PDE1C: variants seen among roughly 807,000 people sequenced by gnomAD.
PDE1C encodes the protein phosphodiesterase 1C.
In PDE1C, 62 loss-of-function variants were observed where a neutral mutation model predicts 93.1. The ratio of observed to expected loss-of-function variants is 0.67; its 90% confidence interval spans 0.54 to 0.82. PDE1C has a LOEUF of 0.82. Ranked by LOEUF, PDE1C falls within the 40% of genes least tolerant of loss-of-function variation. The pLI is 0.00. For missense variants in PDE1C, 742 were observed against 884.6 expected (o/e 0.84, Z 2.04); for synonymous variants, 325 against 310.1 (o/e 1.05, Z -0.50).
chr7:31,877,323 A>C (rs1796715602), intron 5 of PDE1C, among the ~76,000 whole-genome samples: 1 of 152,116 alleles, frequency 6.6e-6, no homozygotes, highest in Non-Finnish European at 1.5e-5. Flanking sequence ...GCCTGACTAG[A>C]GGTAATTCTG....
intron 16 of PDE1C, among the ~76,000 whole-genome samples, chr7:31,794,066 A>G (rs1426608796): frequency 6.7e-6 from 1 of 148,894 alleles, no homozygotes; most frequent in Non-Finnish European, 1.5e-5. Flanking sequence ...ACAGACAGAC[A>G]GACAGACAGA....
rs34277412 is a variant in PDE1C at position 32,139,300 on chromosome 7, C to CTT, written c.308+30483_308+30484dup. ...ACAAGCAGGCAACACCAAAATCAAC[C>CTT]TTTTTTTTTTTTTTTTTTTTTTTTT... On this transcript the variant is annotated intron_variant, in intron 3 of 18. Coordinates refer to the PDE1C transcript ENST00000396193. Among the ~76,000 whole-genome samples the CTT allele has an allele frequency of 8.3e-3, 691 of 82,896 alleles. 5 individuals carry two copies. Among genetic ancestry groups the CTT allele is most frequent in the African/African-American group, 0.013 (266 of 20,658 alleles). The allele number at this position is 82,896 out of a possible 152,430, so 54.4% of individuals were successfully genotyped here.
intron 16 of PDE1C, among the ~76,000 whole-genome samples, chr7:31,805,641 G>C (rs1021202167): frequency 9.3e-5 from 14 of 150,284 alleles, no homozygotes; most frequent in African/African-American, 3.4e-4. Context: ...AAGTGAAACT[G>C]CTAGTAAGGG....
chr7:32,317,621 A>G (rs1185672088), intron 1 of PDE1C, among the ~76,000 whole-genome samples: 1 of 151,958 alleles, frequency 6.6e-6, no homozygotes. Context: ...CATTTTCATC[A>G]TAACCATACT....
At chr7:32,182,663 G>T (rs1803525510) in intron 2 of PDE1C, among the ~76,000 whole-genome samples, 3 of 152,114 alleles carry the variant, frequency 2.0e-5, no homozygotes, top group Non-Finnish European at 2.9e-5. Context: ...AATAATAAGA[G>T]CTGTCTATGA....
intron 6 of PDE1C, among the ~76,000 whole-genome samples, chr7:31,871,871 A>T (rs185870511): frequency 3.4e-4 from 51 of 152,094 alleles, no homozygotes; most frequent in African/African-American, 1.1e-3. Context: ...GGTATTTATT[A>T]AAAAAGAAAG....
At chr7:31,707,327 C>T in the PDE1C span, 9 of 1,524,536 alleles carry the variant, frequency 5.9e-6, no homozygotes, top group Non-Finnish European at 8.1e-6. Context: ...TAGATTGGTT[C>T]CCTGTGGTGA....
downstream of PDE1C, among the ~76,000 whole-genome samples, chr7:31,750,801 G>C (rs529732025): frequency 6.6e-6 from 1 of 152,152 alleles, no homozygotes; most frequent in Admixed American, 6.5e-5. Context: ...GCGTGATCTC[G>C]GCTCACTGCA....
At chr7:31,618,948 G>C in the PDE1C span, among the ~76,000 whole-genome samples, 1 of 152,342 alleles carries the variant, frequency 6.6e-6, no homozygotes, top group Admixed American at 6.5e-5. Flanking sequence ...GAGAGAGTAG[G>C]TGACTCAAAG....
chr7:31,935,225 T>C (rs1804873897), intron 2 of PDE1C, among the ~76,000 whole-genome samples: 1 of 152,184 alleles, frequency 6.6e-6, no homozygotes, highest in South Asian at 2.1e-4. Flanking sequence ...CGATAAAAAC[T>C]TTCTCATATT....
At chr7:32,246,618 C>T (rs1808977937) in intron 1 of PDE1C, among the ~76,000 whole-genome samples, 1 of 152,096 alleles carries the variant, frequency 6.6e-6, no homozygotes, top group Admixed American at 6.5e-5. Flanking sequence ...ATGTTCTTTA[C>T]TGACACATTT....
At chr7:31,966,064 G>A (rs928901285) in intron 2 of PDE1C, among the ~76,000 whole-genome samples, 3 of 152,182 alleles carry the variant, frequency 2.0e-5, no homozygotes, top group Non-Finnish European at 2.9e-5. Context: ...CGAGCAAAAT[G>A]ACCAGCTAAC....
intron 1 of PDE1C, among the ~76,000 whole-genome samples, chr7:32,338,826 A>G (rs991779646): frequency 5.3e-5 from 8 of 152,070 alleles, no homozygotes; most frequent in Non-Finnish European, 1.2e-4. Context: ...ACACGGTGAA[A>G]CCCCGTCTCT....
the PDE1C span, among the ~76,000 whole-genome samples, chr7:31,630,810 G>C: frequency 6.6e-6 from 1 of 151,624 alleles, no homozygotes; most frequent in Admixed American, 6.6e-5. Context: ...AAATGAATGG[G>C]CAAAATATAC....
At chr7:31,726,958 C>T in the PDE1C span, among the ~76,000 whole-genome samples, 1 of 152,148 alleles carries the variant, frequency 6.6e-6, no homozygotes, top group Non-Finnish European at 1.5e-5. Flanking sequence ...ATCACTTGAA[C>T]CCGGGAGGTG....
chr7:31,657,404 T>TA, the PDE1C span, among the ~76,000 whole-genome samples: 1 of 152,210 alleles, frequency 6.6e-6, no homozygotes, highest in African/African-American at 2.4e-5. Flanking sequence ...ATTTTTTAAA[T>TA]AAACAAAGAT....
At chr7:31,663,047 G>C in the PDE1C span, among the ~76,000 whole-genome samples, 2 of 152,092 alleles carry the variant, frequency 1.3e-5, no homozygotes, top group African/African-American at 4.8e-5. Context: ...TTCAAACCCT[G>C]TATGCCACTT....
chr7:32,182,932 A>G (rs529633580), intron 2 of PDE1C, among the ~76,000 whole-genome samples: 1 of 152,308 alleles, frequency 6.6e-6, no homozygotes, highest in South Asian at 2.1e-4. Flanking sequence ...TCCTTAAGCC[A>G]ATAGGCAACT....
At chr7:32,029,368 A>G (rs1469988213) in intron 2 of PDE1C, among the ~76,000 whole-genome samples, 2 of 152,192 alleles carry the variant, frequency 1.3e-5, no homozygotes, top group South Asian at 2.1e-4. Context: ...ATTTGAAATC[A>G]TCTTGTCAAA....
Sources: gnomAD v4.1 joint callset for allele counts (sites outside exome capture counted in the v4.1 genomes callset) on GRCh38, gnomAD v4.1.1 for gene constraint, MANE v1.5 for transcripts, NCBI Gene and HGNC (gene_info 2026-07-23, HGNC 2026-07-21) for gene names.